HERC2: variants seen among roughly 807,000 people sequenced by gnomAD.
The protein encoded by HERC2 is HECT and RLD domain containing E3 ubiquitin protein ligase 2, also known as E3 ubiquitin-protein ligase HERC2.
A neutral mutation model predicts 537.7 loss-of-function variants in HERC2; 102 were observed. The ratio of observed to expected loss-of-function variants is 0.19; its 90% CI spans 0.16 to 0.22. HERC2 has a LOEUF of 0.22. Ranked by LOEUF, HERC2 falls within the 10% of genes least tolerant of loss-of-function variation. The probability of loss-of-function intolerance (pLI) is 1.00; values close to 1 mark genes in which losing one functional copy is unlikely to be tolerated. For missense variants in HERC2, 4,236 were observed against 6,198.2 expected, an observed-to-expected ratio of 0.68 and a Z score of 10.63; for synonymous variants, 2,224 against 2,466.2, an observed-to-expected ratio of 0.90 and a Z score of 2.91.
chr15:28,139,010 C>T (rs911857651), intron 78 of HERC2, among the ~76,000 whole-genome samples: 1 of 152,170 alleles, frequency 6.6e-6, no homozygotes, highest in African/African-American at 2.4e-5. Context: ...GTGGTGGAAA[C>T]AGCAAGAGAA....
chr15:28,233,002 C>T (rs913643523), intron 30 of HERC2, 144 bp downstream of exon 30: 29 of 657,336 alleles, frequency 4.4e-5, no homozygotes, highest in African/African-American at 1.3e-4. Context: ...TGTATTTAAT[C>T]GTAACTGTAA....
At chr15:28,182,908 G>A (rs1295980010) in intron 56 of HERC2, among the ~76,000 whole-genome samples, 1 of 152,162 alleles carries the variant, frequency 6.6e-6, no homozygotes, top group Non-Finnish European at 1.5e-5. Context: ...CAGGAGCCAC[G>A]CTGGGTCTGG....
chr15:28,126,746 C>A (rs1353971427), intron 83 of HERC2, among the ~76,000 whole-genome samples: 1 of 152,156 alleles, frequency 6.6e-6, no homozygotes, highest in African/African-American at 2.4e-5. Flanking sequence ...TAAAAGACTA[C>A]ACATTGGGTA....
chr15:28,158,109 T>C (rs546769825), intron 69 of HERC2, among the ~76,000 whole-genome samples: 1 of 152,326 alleles, frequency 6.6e-6, no homozygotes, highest in East Asian at 1.9e-4. Flanking sequence ...GACAGTTTGT[T>C]ATAATTTCTG....
At chr15:28,220,074 A>G (rs990640340) in intron 37 of HERC2, among the ~76,000 whole-genome samples, 18 of 152,152 alleles carry the variant, frequency 1.2e-4, no homozygotes, top group South Asian at 2.1e-4. Flanking sequence ...AGGAGGAGGC[A>G]ATGGACCGAG....
chr15:28,156,161 T>C (rs1162327443), intron 69 of HERC2, among the ~76,000 whole-genome samples: 1 of 152,258 alleles, frequency 6.6e-6, no homozygotes, highest in African/African-American at 2.4e-5. Flanking sequence ...TTTTGGTTAC[T>C]GTAGCTTTGT....
intron 3 of HERC2, among the ~76,000 whole-genome samples, chr15:28,294,988 G>A (rs1005843562): frequency 6.6e-6 from 1 of 151,720 alleles, no homozygotes; most frequent in African/African-American, 2.4e-5. Context: ...AACTCACAGA[G>A]GATACAAGAG....
chr15:28,150,416 G>A (rs1437494234), intron 70 of HERC2, among the ~76,000 whole-genome samples: 1 of 146,000 alleles, frequency 6.8e-6, no homozygotes, highest in East Asian at 2.1e-4. Flanking sequence ...AACACACACT[G>A]GCTTAACCGA....
intron 69 of HERC2, among the ~76,000 whole-genome samples, chr15:28,156,580 G>C (rs1190503363): frequency 6.6e-6 from 1 of 152,176 alleles, no homozygotes; most frequent in African/African-American, 2.4e-5. Flanking sequence ...AAGAATGCTT[G>C]TGATTTTTGC....
chr15:28,247,421 C>CTTTTTTTTTTTTTTTTTTTTTTTTTTTTT (rs71132843), intron 21 of HERC2, among the ~76,000 whole-genome samples: 1 of 76,180 alleles, frequency 1.3e-5, no homozygotes. Flanking sequence ...CTACATGGTT[C>CTTTTTTTTTTTTTTTTTTTTTTTTTTTTT]TTTTTTTTTT....
intron 20 of HERC2, 30 bp downstream of exon 20, chr15:28,254,310 A>G (rs2075183210): frequency 5.5e-6 from 8 of 1,466,020 alleles, no homozygotes; most frequent in Non-Finnish European, 7.4e-6. Flanking sequence ...AATAAATAAC[A>G]TATAATACAA....
intron 86 of HERC2, among the ~76,000 whole-genome samples, chr15:28,120,100 A>G (rs184712993): frequency 5.8e-4 from 88 of 152,336 alleles, no homozygotes; most frequent in Non-Finnish European, 1.1e-3. Flanking sequence ...CCTACAAGCT[A>G]TAATGTTTAT....
chr15:28,190,468 A>G (rs1896756175), intron 55 of HERC2: 1 of 160,050 alleles, frequency 6.2e-6, no homozygotes, highest in African/African-American at 2.4e-5. Context: ...AAGAACCTTC[A>G]CTGATTCTTT....
intron 2 of HERC2, among the ~76,000 whole-genome samples, chr15:28,319,259 G>C (rs2077170360): frequency 6.6e-6 from 1 of 152,258 alleles, no homozygotes; most frequent in African/African-American, 2.4e-5. Context: ...CCAAAACCTA[G>C]TCATTTCCCT....
At chr15:28,160,019 G>A (rs770076265) in intron 69 of HERC2, among the ~76,000 whole-genome samples, 1 of 152,226 alleles carries the variant, frequency 6.6e-6, no homozygotes, top group Non-Finnish European at 1.5e-5. Context: ...GTTTGCCTGG[G>A]TATCAGCAGC....
intron 17 of HERC2, among the ~76,000 whole-genome samples, chr15:28,256,580 C>T (rs1292982810): frequency 1.3e-5 from 2 of 152,140 alleles, no homozygotes; most frequent in Non-Finnish European, 2.9e-5. Flanking sequence ...GCAACAGCAA[C>T]CTCCACCCCG....
At chr15:28,319,276 T>C (rs568699065) in intron 2 of HERC2, among the ~76,000 whole-genome samples, 2 of 152,396 alleles carry the variant, frequency 1.3e-5, no homozygotes, top group Admixed American at 6.5e-5. Flanking sequence ...CCCTTACTCC[T>C]AGGAGGAATT....
rs183643899 is a variant in HERC2 at position 28,291,777 on chromosome 15, C to T, written c.322+1111G>A. ...GGAATTAGCCGGGTGTGGTGGTGCA[C>T]GCCTGTAGTCCCAGCTACTCGGAAG... On this transcript the variant is annotated intron_variant, in intron 4 of 92. Coordinates refer to ENST00000261609, the MANE Select transcript of HERC2 (RefSeq NM_004667.6). Among the ~76,000 whole-genome samples, 56 of 151,886 alleles carry T rather than the reference C, an allele frequency of 3.7e-4. No homozygotes were observed. In the South Asian group the frequency reaches 3.7e-3, roughly 10 times the overall value.
chr15:28,219,169 T>C (rs879332491), intron 37 of HERC2, among the ~76,000 whole-genome samples: 4 of 152,230 alleles, frequency 2.6e-5, no homozygotes, highest in Non-Finnish European at 5.9e-5. Flanking sequence ...ACTTATCAAA[T>C]GTCAAGCGCT....
Sources: gnomAD v4.1 joint callset for allele counts (sites outside exome capture counted in the v4.1 genomes callset) on GRCh38, gnomAD v4.1.1 for gene constraint, MANE v1.5 for transcripts, NCBI Gene and HGNC (gene_info 2026-07-23, HGNC 2026-07-21) for gene names.